The following TMEM248 variants were observed in gnomAD, a reference collection of about 807,000 sequenced individuals.
The protein encoded by TMEM248 is UPF0458 protein C7orf42.
In TMEM248, 9 loss-of-function variants were observed where a neutral mutation model predicts 30.3. That is an observed-to-expected ratio of 0.30 (90% CI 0.18 to 0.52). TMEM248 has a LOEUF of 0.52. Ranked by LOEUF, TMEM248 falls within the 20% of genes least tolerant of loss-of-function variation. The pLI is 0.97. For synonymous variants in TMEM248, 184 were observed against 154.4 expected, an observed-to-expected ratio of 1.19 and a Z score of -1.42; for missense variants, 338 against 403.3, an observed-to-expected ratio of 0.84 and a Z score of 1.39.
intron 1 of TMEM248, among the ~76,000 whole-genome samples, chr7:66,934,750 T>C (rs1339334341): frequency 9.9e-5 from 15 of 152,180 alleles, no homozygotes; most frequent in Admixed American, 8.5e-4. Context: ...TATTCATTTT[T>C]ATATAAGGCT....
chr7:66,933,280 C>G (rs1287965598), intron 1 of TMEM248, among the ~76,000 whole-genome samples: 1 of 152,204 alleles, frequency 6.6e-6, no homozygotes, highest in Non-Finnish European at 1.5e-5. Flanking sequence ...AGCCATCCTC[C>G]TGCCTCAGCC....
At chr7:66,939,112 T>C (rs1791882391) in intron 1 of TMEM248, among the ~76,000 whole-genome samples, 1 of 152,230 alleles carries the variant, frequency 6.6e-6, no homozygotes, top group Admixed American at 6.5e-5. Context: ...ACCATATTAA[T>C]ATGCCTTAGG....
intron 3 of TMEM248, among the ~76,000 whole-genome samples, chr7:66,947,550 G>C (rs894954041): frequency 1.3e-5 from 2 of 151,940 alleles, no homozygotes; most frequent in African/African-American, 4.8e-5. Context: ...TTATAGGTTC[G>C]TGACACCATG....
chr7:66,939,163 T>C (rs1165147092), intron 1 of TMEM248, among the ~76,000 whole-genome samples: 1 of 152,220 alleles, frequency 6.6e-6, no homozygotes, highest in Non-Finnish European at 1.5e-5. Flanking sequence ...TGGAGCAGGC[T>C]CCTTCACTGC....
chr7:66,930,980 A>G, intron 1 of TMEM248: 1 of 152,720 alleles, frequency 6.5e-6, no homozygotes. Context: ...GAAACTTCCC[A>G]TTTAACCTAA....
intron 3 of TMEM248, among the ~76,000 whole-genome samples, chr7:66,947,227 A>AC (rs1484444990): frequency 6.6e-6 from 1 of 151,550 alleles, no homozygotes; most frequent in East Asian, 1.9e-4. Context: ...AAAAAAAAAA[A>AC]AAAAAAAACA....
chr7:66,955,025 G>A (rs1430234823), intron 6 of TMEM248, among the ~76,000 whole-genome samples: 2 of 152,210 alleles, frequency 1.3e-5, no homozygotes, highest in Admixed American at 6.5e-5. Context: ...ACTTTTAGGA[G>A]GCTGAGGCAG....
intron 1 of TMEM248, among the ~76,000 whole-genome samples, chr7:66,933,548 A>G (rs1294024488): frequency 1.3e-5 from 2 of 152,228 alleles, no homozygotes; most frequent in African/African-American, 4.8e-5. Context: ...TTTTAACACT[A>G]TTGATATGTA....
intron 1 of TMEM248, among the ~76,000 whole-genome samples, chr7:66,935,026 A>G (rs1019170484): frequency 6.6e-5 from 10 of 151,992 alleles, no homozygotes; most frequent in Admixed American, 2.0e-4. Context: ...CTGCACTCCA[A>G]CCTGGGCGAC....
At position 66,941,841 on chromosome 7, in the gene TMEM248, C is replaced by A. The variant is rs767785462; in HGVS notation, c.-18-7C>A. 7.6e-5 allele frequency: 120 copies of A among 1,588,164 alleles called. No individual in the cohort carries two copies. Among genetic ancestry groups the A allele is most frequent in the Non-Finnish European group, 9.9e-5 (115 of 1,164,202 alleles). On this transcript the variant is annotated splice_polypyrimidine_tract_variant and splice_region_variant and intron_variant, in intron 1 of 6. Transcript: ENST00000341567. ...AGTCCTTGAAGCTTCTGATTCATTT[C>A]TTTCAGGTGGAGCTGATCAGAATAA...
chr7:66,955,637 C>A lies in TMEM248; in HGVS notation c.*115C>A. The stretch of plus-strand genomic sequence containing the variant: ...CATTATCTTGCGATGTTGGGTTATT[C>A]CAGCCAAAGACATTTCAAGTGCCTG... On this transcript the variant is annotated 3_prime_UTR_variant, in exon 7 of 7. Coordinates refer to ENST00000341567, the MANE Select transcript of TMEM248 (RefSeq NM_017994.5). The A allele has an allele frequency of 7.8e-7, 1 of 1,283,544 alleles. No individual in the cohort carries two copies. The highest frequency in any genetic ancestry group is 1.1e-6 in the Non-Finnish European group (1 of 906,990). 79.5% of individuals were successfully genotyped at this position (1,283,544 alleles called of 1,614,324 possible). A position where few individuals can be genotyped will look rare whatever the true frequency, so the allele number is the denominator to read the frequency against.
At chr7:66,932,406 C>T (rs982583899) in intron 1 of TMEM248, among the ~76,000 whole-genome samples, 1 of 152,164 alleles carries the variant, frequency 6.6e-6, no homozygotes, top group Non-Finnish European at 1.5e-5. Context: ...TGGATATTGC[C>T]TTTTGCTTAC....
At chr7:66,946,441 G>A (rs1024672544) in intron 3 of TMEM248, among the ~76,000 whole-genome samples, 4 of 151,956 alleles carry the variant, frequency 2.6e-5, no homozygotes, top group Non-Finnish European at 5.9e-5. Context: ...TTAGCCAGGC[G>A]TGGTGGCAGG....
chr7:66,948,137 A>G (rs1422530369), intron 3 of TMEM248, among the ~76,000 whole-genome samples: 1 of 152,176 alleles, frequency 6.6e-6, no homozygotes, highest in African/African-American at 2.4e-5. Context: ...TTCATATGTA[A>G]AAGGGGAACA....
intron 3 of TMEM248, among the ~76,000 whole-genome samples, chr7:66,947,500 T>G (rs1792140289): frequency 6.6e-6 from 1 of 151,940 alleles, no homozygotes; most frequent in Non-Finnish European, 1.5e-5. Flanking sequence ...TCTCCCGGGT[T>G]CAAGCGACTG....
At chr7:66,928,965 C>G (rs1203002814) in intron 1 of TMEM248, among the ~76,000 whole-genome samples, 1 of 151,970 alleles carries the variant, frequency 6.6e-6, no homozygotes, top group Non-Finnish European at 1.5e-5. Context: ...ATTTTGTATT[C>G]TTTGTAGACA....
intron 1 of TMEM248, among the ~76,000 whole-genome samples, chr7:66,932,040 A>G (rs10250831): frequency 0.16 from 23,777 of 149,974 alleles, 2,210 homozygotes; most frequent in East Asian, 0.29. Context: ...TCCTGACCTC[A>G]TGATCCACCC....
Position 66,957,307 on chromosome 7 carries a change from T to C in TMEM248, c.*1785T>C, listed in dbSNP as rs1052461411. On this transcript the variant is annotated 3_prime_UTR_variant, in exon 7 of 7. Transcript: ENST00000341567. Reference sequence around the variant, plus strand: ...ACATTTTATCCCAGGCATTTTTGAATAGAAAACAGTTGCGTGCTTTTATTG... The same window carrying C: ...ACATTTTATCCCAGGCATTTTTGAACAGAAAACAGTTGCGTGCTTTTATTG... 2 of 152,318 alleles carry C rather than the reference T, an allele frequency of 1.3e-5. No individual in the cohort carries two copies. Among genetic ancestry groups the C allele is most frequent in the Admixed American group, 6.5e-5 (1 of 15,278 alleles). 9.4% of individuals were successfully genotyped at this position (152,318 alleles called of 1,614,324 possible).
chr7:66,927,592 A>G (rs1030684435), intron 1 of TMEM248, among the ~76,000 whole-genome samples: 1 of 149,984 alleles, frequency 6.7e-6, no homozygotes, highest in African/African-American at 2.4e-5. Context: ...AGGTGAAACC[A>G]TGCCCAGCTA....
Sources: allele counts gnomAD v4.1 joint callset (sites outside exome capture counted in the v4.1 genomes callset), GRCh38; gene constraint gnomAD v4.1.1; transcripts MANE v1.5; gene names NCBI Gene and HGNC (gene_info 2026-07-23, HGNC 2026-07-21).